MLXIPL: variants seen among roughly 807,000 people sequenced by gnomAD.
MLXIPL encodes MLX interacting protein like.
A neutral mutation model predicts 81.5 loss-of-function variants in MLXIPL; 49 were observed. That is an observed-to-expected ratio of 0.60 (90% CI 0.48 to 0.76). The LOEUF is 0.76. MLXIPL is among the 30% of genes least tolerant of loss of function. MLXIPL has a pLI of 0.00. For missense variants in MLXIPL, 1,053 were observed against 1,167.0 expected (o/e 0.90, Z 1.42); for synonymous variants, 466 against 485.5 (o/e 0.96, Z 0.53).
chr7:73,597,662 C>G lies in MLXIPL; in HGVS notation c.1123G>C (p.Asp375His). 2 of 1,383,032 alleles carry G rather than the reference C, an allele frequency of 1.4e-6. No individual in the cohort carries two copies. The highest frequency in any genetic ancestry group is 1.9e-6 in the Non-Finnish European group (2 of 1,072,542). 85.7% of individuals were successfully genotyped at this position (1,383,032 alleles called of 1,614,324 possible). The change falls in exon 9 of 17, where the codon GAT becomes CAT. Residue 375 changes from aspartate to histidine, a missense_variant. Asp to His is a moderately conservative substitution (Grantham distance 81). Coordinates refer to ENST00000313375, the MANE Select transcript of MLXIPL (RefSeq NM_032951.3). ...TTGGGGTCTTCAGGAAGGAGGAAAT[C>G]AGAACTCAGGAAGGCGCTGGAGTCC... ...PLDSSAFLSS[D>H]FLLPEDPKPR...
chr7:73,604,986 A>G (rs1312391911), intron 7 of MLXIPL, among the ~76,000 whole-genome samples: 1 of 152,080 alleles, frequency 6.6e-6, no homozygotes, highest in Non-Finnish European at 1.5e-5. Context: ...GTTGGTCTCG[A>G]ACTCCTGACG....
At chr7:73,608,829 T>C (rs1795497547) in intron 2 of MLXIPL, among the ~76,000 whole-genome samples, 2 of 152,048 alleles carry the variant, frequency 1.3e-5, no homozygotes, top group South Asian at 4.1e-4. Context: ...CTCTTTTTTG[T>C]TTTTGTTGTT....
At position 73,607,960 on chromosome 7, in the gene MLXIPL, G is replaced by C. The variant is rs543312247; in HGVS notation, c.401-288C>G. ...CAACCTCCACCTCCTGGGTTCAAGC[G>C]ATTCTCCTGCCTCAGCCTCCTGAGT... On this transcript the variant is annotated intron_variant, in intron 2 of 16. Transcript: ENST00000313375. 1.0e-4 allele frequency among the ~76,000 whole-genome samples: 15 copies of C among 149,980 alleles called. No individual in the cohort carries two copies. The East Asian group carries it at 2.8e-3, about 28-fold the overall frequency.
At chr7:73,640,412 AAAAG>A in the MLXIPL span, among the ~76,000 whole-genome samples, 3 of 150,392 alleles carry the variant, frequency 2.0e-5, no homozygotes, top group Non-Finnish European at 4.4e-5. Context: ...CAAAAAAAAA[AAAAG>A]AAAAAGAAAA....
chr7:73,635,205 G>A, the MLXIPL span, among the ~76,000 whole-genome samples: 7 of 152,066 alleles, frequency 4.6e-5, no homozygotes, highest in African/African-American at 1.4e-4. Context: ...CAAGTCCTGT[G>A]TAGGACAAAA....
At chr7:73,616,280 G>T in intron 1 of MLXIPL, 103 bp from the exon 2 acceptor site, 1 of 1,069,368 alleles carries the variant, frequency 9.4e-7, no homozygotes, top group Non-Finnish European at 1.4e-6. Context: ...GTTGGCATTT[G>T]AGGGGCCCCT....
the MLXIPL span, among the ~76,000 whole-genome samples, chr7:73,647,600 C>T: frequency 6.6e-6 from 1 of 152,198 alleles, no homozygotes; most frequent in Non-Finnish European, 1.5e-5. Context: ...CTCCTGGCAG[C>T]TGAGGCTGAG....
In MLXIPL at chr7:73,605,777, A is replaced by G; in HGVS notation, c.821-9T>C. 6.2e-7 allele frequency: 1 copy of G among 1,612,614 alleles called. No individual in the cohort carries two copies. Among genetic ancestry groups the G allele is most frequent in the South Asian group, 1.1e-5 (1 of 90,816 alleles). ...AGCATTGCCGACGTAGGCTGGAGGC[A>G]GCAGTGGCGACATCAGCAGCAGCAG... On this transcript the variant is annotated splice_polypyrimidine_tract_variant and intron_variant, in intron 6 of 16. Transcript: ENST00000313375.
the MLXIPL span, among the ~76,000 whole-genome samples, chr7:73,637,067 A>AT: frequency 6.6e-6 from 1 of 152,020 alleles, no homozygotes; most frequent in East Asian, 1.9e-4. Flanking sequence ...CTCAAAAAAA[A>AT]AAAAAGAATA....
chr7:73,635,697 T>G, the MLXIPL span, among the ~76,000 whole-genome samples: 1 of 152,172 alleles, frequency 6.6e-6, no homozygotes, highest in East Asian at 1.9e-4. Flanking sequence ...CATCTATCTC[T>G]TTATCCACCC....
rs1796501648 is a variant in MLXIPL, at chr7:73,623,283, G to T, written c.293+917C>A. On this transcript the variant is annotated intron_variant, in intron 1 of 16. Coordinates refer to ENST00000313375, the MANE Select transcript of MLXIPL (RefSeq NM_032951.3). The surrounding 1 kb of genome is among the most constrained non-coding windows in gnomAD (Gnocchi z 5.7). Reference sequence around the variant, plus strand: ...GGAGGAAGAGGAATATTTGCACAGAGAAAAGATCAAGGCCGGCCGATCCCC... The same window carrying T: ...GGAGGAAGAGGAATATTTGCACAGATAAAAGATCAAGGCCGGCCGATCCCC... 6.6e-6 allele frequency among the ~76,000 whole-genome samples: 1 copy of T among 152,240 alleles called. No homozygotes were observed. The highest frequency in any genetic ancestry group is 6.5e-5 in the Admixed American group (1 of 15,282).
At chr7:73,624,143 C>G (rs1164207679) in intron 1 of MLXIPL, 57 bp downstream of exon 1, 22 of 302,466 alleles carry the variant, frequency 7.3e-5, no homozygotes, top group Non-Finnish European at 9.6e-5. Flanking sequence ...CTGCCCCGGA[C>G]CCCCCCCCCA....
rs1431888409 is a variant in MLXIPL, at chr7:73,594,128, G to T, written c.2441-145C>A. 6 of 1,421,068 alleles carry T rather than the reference G, an allele frequency of 4.2e-6. No homozygotes were observed. In the Admixed American group the frequency reaches 8.5e-5, roughly 20 times the overall value. The allele number at this position is 1,421,068 out of a possible 1,614,324, so 88.0% of individuals were successfully genotyped here. ...AACCTCTGTCTACAGGCGTCTGGTGGCCAGAGGACCATCTGGGGGATGCGG... is the reference window on the plus strand; with the variant it reads ...AACCTCTGTCTACAGGCGTCTGGTGTCCAGAGGACCATCTGGGGGATGCGG... On this transcript the variant is annotated intron_variant, in intron 16 of 16. Transcript: ENST00000313375.
chr7:73,607,224 G>T, intron 4 of MLXIPL, 107 bp downstream of exon 4: 1 of 1,313,866 alleles, frequency 7.6e-7, no homozygotes, highest in East Asian at 2.5e-5. Flanking sequence ...CCCGAGGGGC[G>T]CAAGCTCGGG....
In MLXIPL at chr7:73,599,565, G is replaced by C; in HGVS notation, c.1032C>G (p.Ser344=). 1 of 1,613,242 alleles carries C rather than the reference G, an allele frequency of 6.2e-7. No homozygotes were observed. The highest frequency in any genetic ancestry group is 8.5e-7 in the Non-Finnish European group (1 of 1,179,774). The change falls in exon 8 of 17, where the codon TCC becomes TCG. Residue 344 remains serine (S), a synonymous_variant. Coordinates refer to ENST00000313375, the MANE Select transcript of MLXIPL (RefSeq NM_032951.3). ...GTLGPEVPPA[S]SAMTHLSGHS... is the part of the protein sequence containing the mutation. ...GTCCAGAGAGGTGGGTCATGGCCGA[G>C]GAAGCCGGGGGCACCTCTGGGCCCA... is the stretch of plus-strand genomic sequence containing the variant.
At chr7:73,631,272 C>A in the MLXIPL span, among the ~76,000 whole-genome samples, 1 of 152,056 alleles carries the variant, frequency 6.6e-6, no homozygotes, top group East Asian at 1.9e-4. Context: ...GGCTCGGCCT[C>A]CCAAAGTGCT....
At position 73,605,935 on chromosome 7, in the gene MLXIPL, C is replaced by T. The variant is rs61738641; in HGVS notation, c.795G>A (p.Ser265=). The change falls in exon 6 of 17, where the codon TCG becomes TCA. Residue 265 remains serine, a synonymous_variant. Transcript: ENST00000313375. ...TLFTMTQSGP[S]PLQLPPEDAY... is the part of the protein sequence containing the mutation. Reference sequence around the variant, plus strand: ...CATCCTCAGGCGGCAGCTGCAGGGGCGAAGGGCCGGACTGAGTCATGGTGA... The same window carrying T: ...CATCCTCAGGCGGCAGCTGCAGGGGTGAAGGGCCGGACTGAGTCATGGTGA... The T allele has an allele frequency of 7.7e-4, 1,231 of 1,593,466 alleles. 1 individual carries two copies. The highest frequency in any genetic ancestry group is 9.6e-4 in the Non-Finnish European group (1,119 of 1,169,718).
At chr7:73,620,740 T>G in intron 1 of MLXIPL, among the ~76,000 whole-genome samples, 1 of 143,396 alleles carries the variant, frequency 7.0e-6, no homozygotes, top group Admixed American at 7.3e-5. Flanking sequence ...AGACTCCGTC[T>G]CAGAAAAAAA....
intron 1 of MLXIPL, among the ~76,000 whole-genome samples, chr7:73,622,507 T>G (rs2116525443): frequency 6.6e-6 from 1 of 151,726 alleles, no homozygotes; most frequent in Middle Eastern, 3.4e-3. Context: ...AAAAAAAATT[T>G]TTTTTTTTTT....
Sources: allele counts gnomAD v4.1 joint callset (sites outside exome capture counted in the v4.1 genomes callset), GRCh38; gene constraint gnomAD v4.1.1; non-coding constraint Gnocchi (gnomAD v3.1); transcripts MANE v1.5; gene names NCBI Gene and HGNC (gene_info 2026-07-23, HGNC 2026-07-21).